Variants in ST6GALNAC3 observed in about 807,000 individuals in gnomAD.
The protein encoded by ST6GALNAC3 is alpha-N-acetylgalactosaminide alpha-2,6-sialyltransferase 3.
A neutral mutation model predicts 32.7 loss-of-function variants in ST6GALNAC3; 25 were observed. That is an observed-to-expected ratio of 0.76 (90% CI 0.56 to 1.07). ST6GALNAC3 has a LOEUF of 1.07. Among genes scored for constraint, ST6GALNAC3 ranks in the 50% least tolerant of loss-of-function variants. ST6GALNAC3 has a pLI of 0.00. For missense variants in ST6GALNAC3, 355 were observed against 382.4 expected (o/e 0.93, Z 0.60); for synonymous variants, 129 against 133.1 (o/e 0.97, Z 0.21).
intron 3 of ST6GALNAC3, among the ~76,000 whole-genome samples, chr1:76,562,796 G>C (rs1421747526): frequency 6.6e-6 from 1 of 152,134 alleles, no homozygotes; most frequent in Non-Finnish European, 1.5e-5. Flanking sequence ...ATCAATATTT[G>C]TACAATAAAG....
intron 3 of ST6GALNAC3, among the ~76,000 whole-genome samples, chr1:76,426,344 T>C (rs1024982474): frequency 6.6e-6 from 1 of 151,736 alleles, no homozygotes; most frequent in Non-Finnish European, 1.5e-5. Flanking sequence ...GTGGGTAACA[T>C]GAGGTTGTTT....
intron 1 of ST6GALNAC3, among the ~76,000 whole-genome samples, chr1:76,103,703 CTT>C (rs1303918014): frequency 6.6e-6 from 1 of 152,148 alleles, no homozygotes; most frequent in East Asian, 1.9e-4. Context: ...CCCCTTGCCT[CTT>C]TTAGTTTCTA....
chr1:76,537,663 C>G (rs928696015), intron 3 of ST6GALNAC3, among the ~76,000 whole-genome samples: 2 of 151,930 alleles, frequency 1.3e-5, no homozygotes, highest in African/African-American at 4.8e-5. Context: ...GCGTTAAACA[C>G]AATAAGAAAT....
At chr1:76,413,667 G>A (rs1654423974) in intron 3 of ST6GALNAC3, among the ~76,000 whole-genome samples, 1 of 152,076 alleles carries the variant, frequency 6.6e-6, no homozygotes, top group Non-Finnish European at 1.5e-5. Flanking sequence ...GACAGAAATA[G>A]CCATGAAATA....
At chr1:76,284,723 C>A (rs779330094) in intron 1 of ST6GALNAC3, among the ~76,000 whole-genome samples, 29 of 152,004 alleles carry the variant, frequency 1.9e-4, no homozygotes, top group Non-Finnish European at 3.4e-4. Flanking sequence ...CAAGAGTGTA[C>A]ATGATCATTA....
Position 76,399,804 on chromosome 1 carries a change from A to G in ST6GALNAC3, c.214-12204A>G, listed in dbSNP as rs143009224. 3.2e-4 allele frequency among the ~76,000 whole-genome samples: 49 copies of G among 152,328 alleles called. No homozygotes were observed. The East Asian group carries it at 7.7e-3, about 24-fold the overall frequency. On this transcript the variant is annotated intron_variant, in intron 2 of 4. Transcript: ENST00000328299. Reference sequence around the variant, plus strand: ...TCCACAGAGGTCTTGCACATCATTTATTAGACTTATTCCTAGGTATTTAAT... The same window carrying G: ...TCCACAGAGGTCTTGCACATCATTTGTTAGACTTATTCCTAGGTATTTAAT...
intron 2 of ST6GALNAC3, among the ~76,000 whole-genome samples, chr1:76,360,973 G>A (rs748075818): frequency 6.6e-6 from 1 of 152,068 alleles, no homozygotes; most frequent in Admixed American, 6.6e-5. Context: ...AGGAGTGAAG[G>A]CCAGGGTTTC....
chr1:76,466,706 A>G (rs935477674), intron 3 of ST6GALNAC3, among the ~76,000 whole-genome samples: 8 of 152,094 alleles, frequency 5.3e-5, no homozygotes, highest in African/African-American at 1.7e-4. Flanking sequence ...GAACAGTTAG[A>G]AACAACTACG....
chr1:76,449,852 G>A (rs1196006494), intron 3 of ST6GALNAC3, among the ~76,000 whole-genome samples: 1 of 152,036 alleles, frequency 6.6e-6, no homozygotes, highest in African/African-American at 2.4e-5. Context: ...GGGGGAACAG[G>A]TGGTATTTGG....
chr1:76,335,134 A>C (rs1046519094), intron 2 of ST6GALNAC3, among the ~76,000 whole-genome samples: 1 of 152,190 alleles, frequency 6.6e-6, no homozygotes, highest in Non-Finnish European at 1.5e-5. Context: ...ATCAGGAATA[A>C]ATGTTTGCAA....
At chr1:76,329,796 C>CTCTCTTTA (rs146490392) in intron 2 of ST6GALNAC3, among the ~76,000 whole-genome samples, 1 of 150,230 alleles carries the variant, frequency 6.7e-6, no homozygotes, top group Non-Finnish European at 1.5e-5. Flanking sequence ...CTTTCTCTCT[C>CTCTCTTTA]TTTATTTATT....
intron 1 of ST6GALNAC3, among the ~76,000 whole-genome samples, chr1:76,305,184 C>A (rs530436854): frequency 6.6e-6 from 1 of 151,934 alleles, no homozygotes; most frequent in Non-Finnish European, 1.5e-5. Flanking sequence ...CCTGATGGGT[C>A]AGGTCCATAT....
intron 2 of ST6GALNAC3, among the ~76,000 whole-genome samples, chr1:76,373,444 T>C (rs1183137286): frequency 6.6e-6 from 1 of 152,166 alleles, no homozygotes; most frequent in Non-Finnish European, 1.5e-5. Flanking sequence ...TTGTTATTGT[T>C]AGAGTTTTTG....
chr1:76,477,919 C>T (rs1348754195), intron 3 of ST6GALNAC3, among the ~76,000 whole-genome samples: 2 of 152,272 alleles, frequency 1.3e-5, no homozygotes, highest in East Asian at 1.9e-4. Flanking sequence ...GCTCTGTTCT[C>T]GATCACTTTT....
chr1:76,542,900 AT>A (rs1474365682), intron 3 of ST6GALNAC3, among the ~76,000 whole-genome samples: 21 of 152,104 alleles, frequency 1.4e-4, no homozygotes, highest in African/African-American at 5.1e-4. Context: ...CTAACAGGTA[AT>A]GTCACTGTTT....
chr1:76,076,927 G>C (rs899860443), intron 1 of ST6GALNAC3, among the ~76,000 whole-genome samples: 2 of 152,150 alleles, frequency 1.3e-5, no homozygotes, highest in African/African-American at 2.4e-5. Flanking sequence ...CTTTACTGCT[G>C]TTCCAGTACT....
intron 1 of ST6GALNAC3, among the ~76,000 whole-genome samples, chr1:76,117,439 G>A (rs1310849019): frequency 6.6e-6 from 1 of 152,220 alleles, no homozygotes; most frequent in Non-Finnish European, 1.5e-5. Context: ...TCTCTCTGAT[G>A]TGAGTCTTGC....
chr1:76,548,910 C>T (rs1284170873), intron 3 of ST6GALNAC3, among the ~76,000 whole-genome samples: 1 of 152,104 alleles, frequency 6.6e-6, no homozygotes, highest in Non-Finnish European at 1.5e-5. Context: ...CACTGTATCC[C>T]CAGCCTTTAG....
chr1:76,202,637 G>A (rs1292552979), intron 1 of ST6GALNAC3, among the ~76,000 whole-genome samples: 1 of 152,126 alleles, frequency 6.6e-6, no homozygotes, highest in African/African-American at 2.4e-5. Context: ...AGTGTTTGCA[G>A]TCAGAGTACC....
Sources: allele counts gnomAD v4.1 joint callset (sites outside exome capture counted in the v4.1 genomes callset), GRCh38; gene constraint gnomAD v4.1.1; transcripts MANE v1.5; gene names NCBI Gene and HGNC (gene_info 2026-07-23, HGNC 2026-07-21).